The following PSMA6 variants were observed in gnomAD, a reference collection of about 807,000 sequenced individuals.
PSMA6 encodes proteasome subunit alpha type-6.
For synonymous variants in PSMA6, 88 were observed against 97.7 expected (o/e 0.90, Z 0.59); for missense variants, 170 against 294.8 (o/e 0.58, Z 3.10).
chr14:35,289,915 CAAAAAAAAAAA>C (rs750610944), upstream of PSMA6, among the ~76,000 whole-genome samples: 5 of 79,620 alleles, frequency 6.3e-5, no homozygotes, highest in South Asian at 5.6e-4. Flanking sequence ...TACCGCATTT[CAAAAAAAAAAA>C]AAAAAAAAAA....
At chr14:35,313,873 C>G (rs373753041) in intron 5 of PSMA6, 1 of 152,292 alleles carries the variant, frequency 6.6e-6, no homozygotes, top group African/African-American at 2.4e-5. Context: ...TCAGGAGACT[C>G]GCTTGAATCC....
intron 6 of PSMA6, 131 bp downstream of exon 6, chr14:35,314,586 T>C: frequency 2.5e-6 from 3 of 1,211,924 alleles, no homozygotes; most frequent in Non-Finnish European, 3.2e-6. Flanking sequence ...TTTGTTTTTT[T>C]CCCCAGCACC....
Position 35,278,872 on chromosome 14 carries a change from T to A in PSMA6, c.19+154T>A, listed in dbSNP as rs550039490. On this transcript the variant is annotated intron_variant, in intron 1 of 6. Transcript: ENST00000540871. ...TATCCTGTGTTCCATGGCTGAGCAG[T>A]CTATTGCTATTAAGTTGTTGTACGT... is the stretch of plus-strand genomic sequence containing the variant. Among the ~76,000 whole-genome samples the A allele has an allele frequency of 6.4e-4, 97 of 152,326 alleles. 1 individual carries two copies. In the South Asian group the frequency reaches 0.02, roughly 32 times the overall value.
intron 6 of PSMA6, chr14:35,314,933 C>T (rs1199274348): frequency 7.2e-6 from 1 of 138,844 alleles, no homozygotes; most frequent in Non-Finnish European, 1.5e-5. Context: ...AGCTAATTGA[C>T]TTGCAGTTGC....
At chr14:35,280,250 G>A (rs1033830881) in intron 1 of PSMA6, among the ~76,000 whole-genome samples, 2 of 152,106 alleles carry the variant, frequency 1.3e-5, no homozygotes, top group Non-Finnish European at 2.9e-5. Context: ...GACCAGGCTG[G>A]CCAACATGGC....
At chr14:35,294,481 A>G (rs2051544951) in intron 1 of PSMA6, among the ~76,000 whole-genome samples, 1 of 152,230 alleles carries the variant, frequency 6.6e-6, no homozygotes, top group Admixed American at 6.5e-5. Flanking sequence ...TCATACATGG[A>G]TTCAAATCTC....
chr14:35,283,668 G>C (rs1414176460), intron 1 of PSMA6, among the ~76,000 whole-genome samples: 1 of 149,976 alleles, frequency 6.7e-6, no homozygotes, highest in Non-Finnish European at 1.5e-5. Context: ...CAATTATCCT[G>C]CCTCAGCCTC....
chr14:35,311,280 T>C (rs2051939631), intron 4 of PSMA6, among the ~76,000 whole-genome samples: 1 of 152,200 alleles, frequency 6.6e-6, no homozygotes, highest in African/African-American at 2.4e-5. Flanking sequence ...AGAATTAGGG[T>C]CACACACAGG....
At chr14:35,312,679 C>A in intron 4 of PSMA6, 2 of 446,350 alleles carry the variant, frequency 4.5e-6, no homozygotes, top group South Asian at 5.6e-5. Flanking sequence ...GTGATAAATC[C>A]TTTTGTGAAA....
At chr14:35,310,540 A>T (rs936188238) in intron 3 of PSMA6, among the ~76,000 whole-genome samples, 200 bp from the exon 4 acceptor site, 7 of 152,174 alleles carry the variant, frequency 4.6e-5, no homozygotes, top group Non-Finnish European at 8.8e-5. Flanking sequence ...CTGTGTAGAG[A>T]GCTTCATGTT....
chr14:35,286,806 A>C (rs952812848), intron 1 of PSMA6, among the ~76,000 whole-genome samples: 8 of 152,090 alleles, frequency 5.3e-5, no homozygotes, highest in African/African-American at 1.7e-4. Context: ...TGTGACTTCT[A>C]TGTTGCTAAA....
At chr14:35,284,503 T>C (rs1234861373) in intron 1 of PSMA6, among the ~76,000 whole-genome samples, 1 of 152,196 alleles carries the variant, frequency 6.6e-6, no homozygotes, top group Non-Finnish European at 1.5e-5. Flanking sequence ...TTCATCTCCA[T>C]GGAACTCTGG....
At chr14:35,292,722 G>A (rs1255313770) in intron 1 of PSMA6, 170 bp downstream of exon 1, 1 of 1,272,168 alleles carries the variant, frequency 7.9e-7, no homozygotes, top group Non-Finnish European at 1.1e-6. Flanking sequence ...CCCCCGTCTG[G>A]ACGCAGGGAT....
chr14:35,299,823 A>G (rs1423183956), intron 1 of PSMA6, among the ~76,000 whole-genome samples: 2 of 152,194 alleles, frequency 1.3e-5, no homozygotes, highest in Non-Finnish European at 2.9e-5. Flanking sequence ...ATGGGGATTC[A>G]TTTATACAAG....
intron 1 of PSMA6, among the ~76,000 whole-genome samples, chr14:35,294,158 C>T (rs1208235341): frequency 6.6e-6 from 1 of 152,370 alleles, no homozygotes; most frequent in East Asian, 1.9e-4. Flanking sequence ...AATTCTGCCT[C>T]AGCCTCCCAA....
At chr14:35,297,072 A>G (rs2051604824) in intron 1 of PSMA6, among the ~76,000 whole-genome samples, 2 of 148,992 alleles carry the variant, frequency 1.3e-5, no homozygotes, top group South Asian at 4.4e-4. Context: ...TGTAGCCTAC[A>G]AGTTTAGGGA....
upstream of PSMA6, among the ~76,000 whole-genome samples, chr14:35,289,129 T>C (rs1273651698): frequency 6.6e-6 from 1 of 152,162 alleles, no homozygotes; most frequent in Admixed American, 6.5e-5. Context: ...TGAATTTAAA[T>C]TCAGGTTTAA....
At position 35,306,188 on chromosome 14, in the gene PSMA6, C is replaced by T. The variant is rs2051823514; in HGVS notation, c.77-1806C>T. ...AGGCTGCAGTGAGCTATGATCATGC[C>T]CTGGTGCTCCAGCCTAGGCAACAGA... On this transcript the variant is annotated intron_variant, in intron 1 of 6. Transcript: ENST00000261479. 2.0e-5 allele frequency among the ~76,000 whole-genome samples: 3 copies of T among 151,588 alleles called. No individual in the cohort carries two copies. In the South Asian group the frequency reaches 6.3e-4, roughly 32 times the overall value.
intron 1 of PSMA6, among the ~76,000 whole-genome samples, chr14:35,295,748 G>A (rs1030528087): frequency 2.0e-5 from 3 of 152,130 alleles, no homozygotes; most frequent in South Asian, 2.1e-4. Flanking sequence ...CATTGCGCTC[G>A]GCCTGAAATA....
Sources: allele counts gnomAD v4.1 joint callset (sites outside exome capture counted in the v4.1 genomes callset), GRCh38; gene constraint gnomAD v4.1.1; transcripts MANE v1.5; gene names NCBI Gene and HGNC (gene_info 2026-07-23, HGNC 2026-07-21).